Variants in PATJ observed in about 807,000 individuals in gnomAD.
PATJ encodes the protein PATJ crumbs cell polarity complex component.
Under a neutral mutation model 224.9 loss-of-function variants are expected in PATJ, and 190 were observed. That is an observed-to-expected ratio of 0.84 (90% CI 0.75 to 0.95). The LOEUF is 0.95. Among genes scored for constraint, PATJ ranks in the 40% least tolerant of loss-of-function variants. The pLI is 0.00. For missense variants in PATJ, 2,121 were observed against 2,270.3 expected, an observed-to-expected ratio of 0.93 and a Z score of 1.34; for synonymous variants, 769 against 820.3, an observed-to-expected ratio of 0.94 and a Z score of 1.07.
intron 28 of PATJ, 123 bp downstream of exon 28, chr1:61,990,487 A>C (rs1318744589): frequency 1.2e-5 from 7 of 598,686 alleles, no homozygotes; most frequent in African/African-American, 1.9e-5. Context: ...ACTACTTAAA[A>C]TCATTTTTCA....
intron 22 of PATJ, among the ~76,000 whole-genome samples, chr1:61,884,740 G>C (rs952969619): frequency 6.6e-6 from 1 of 152,112 alleles, no homozygotes; most frequent in African/African-American, 2.4e-5. Flanking sequence ...GAAATCTACA[G>C]GAATCCCTTG....
intron 28 of PATJ, among the ~76,000 whole-genome samples, chr1:62,001,495 G>C (rs1421173015): frequency 6.7e-6 from 1 of 150,150 alleles, no homozygotes; most frequent in African/African-American, 2.4e-5. Flanking sequence ...AGATCAGATA[G>C]TTGTAGATAT....
chr1:61,887,736 G>A (rs1440182959), intron 22 of PATJ, among the ~76,000 whole-genome samples: 2 of 152,046 alleles, frequency 1.3e-5, no homozygotes, highest in East Asian at 1.9e-4. Context: ...CTTGGGGTGC[G>A]GCGTGACAAA....
At chr1:62,038,108 C>T (rs544455547) in intron 30 of PATJ, 59 bp downstream of exon 30, 32 of 1,060,236 alleles carry the variant, frequency 3.0e-5, no homozygotes, top group Non-Finnish European at 4.1e-5. Flanking sequence ...GAGCATTTTC[C>T]CCCAATCTGA....
intron 17 of PATJ, among the ~76,000 whole-genome samples, chr1:61,845,919 G>GATT (rs1252137078): frequency 6.6e-6 from 1 of 152,162 alleles, no homozygotes; most frequent in Non-Finnish European, 1.5e-5. Context: ...GGAGGGCATA[G>GATT]ATTCAACCCT....
At chr1:61,764,772 T>G (rs1646164339) in intron 3 of PATJ, among the ~76,000 whole-genome samples, 1 of 152,164 alleles carries the variant, frequency 6.6e-6, no homozygotes, top group South Asian at 2.1e-4. Flanking sequence ...AGACCAGAAT[T>G]TATACCCTAA....
intron 33 of PATJ, among the ~76,000 whole-genome samples, chr1:62,085,424 C>T (rs1659839177): frequency 6.6e-6 from 1 of 151,706 alleles, no homozygotes; most frequent in South Asian, 2.1e-4. Flanking sequence ...TTTATAAATA[C>T]TTATTAGACC....
At chr1:61,793,462 T>C (rs781023544) in intron 9 of PATJ, among the ~76,000 whole-genome samples, 2 of 152,116 alleles carry the variant, frequency 1.3e-5, no homozygotes, top group Non-Finnish European at 2.9e-5. Flanking sequence ...TGCTGCGGAC[T>C]GGGCTTGGTG....
chr1:62,128,084 A>C lies in PATJ; in HGVS notation c.5156A>C (p.Gln1719Pro). 1 of 1,614,182 alleles carries C rather than the reference A, an allele frequency of 6.2e-7. No individual in the cohort carries two copies. Among genetic ancestry groups the C allele is most frequent in the Non-Finnish European group, 8.5e-7 (1 of 1,180,010 alleles). ...IQASGVAART[Q>P]KLKVGDRIVS... ...GCTAGCGGAGTGGCCGCACGGACAC[A>C]GAAGCTTAAAGTAAACGAGAGAACT... The change falls in exon 40 of 44, where the codon CAG (glutamine) becomes CCG (proline). Residue 1719 changes from glutamine to proline, a missense_variant. Physicochemically the swap from Gln to Pro is moderately conservative, Grantham distance 76. Coordinates refer to ENST00000642238, the MANE Select transcript of PATJ (RefSeq NM_001350145.3).
chr1:61,963,883 C>T (rs1557953365), intron 27 of PATJ, among the ~76,000 whole-genome samples: 1 of 152,124 alleles, frequency 6.6e-6, no homozygotes, highest in Non-Finnish European at 1.5e-5. Context: ...CTTGCTTATA[C>T]TTACCTATCC....
chr1:61,798,083 C>T (rs1189247545), intron 11 of PATJ, among the ~76,000 whole-genome samples: 8 of 152,176 alleles, frequency 5.3e-5, no homozygotes, highest in Non-Finnish European at 1.0e-4. Flanking sequence ...TGTAATTACA[C>T]GTGTGAGCCA....
At chr1:62,042,659 A>ATTT (rs1651742156) in intron 30 of PATJ, among the ~76,000 whole-genome samples, 1 of 151,776 alleles carries the variant, frequency 6.6e-6, no homozygotes, top group Admixed American at 6.6e-5. Flanking sequence ...TATTTTTTTA[A>ATTT]AAAAAAAGAC....
At chr1:62,134,330 C>CTTTTTT (rs779235130) in intron 41 of PATJ, among the ~76,000 whole-genome samples, 17 of 96,480 alleles carry the variant, frequency 1.8e-4, no homozygotes, top group African/African-American at 1.7e-4. Flanking sequence ...CCAGCCCTCT[C>CTTTTTT]TTTTTTTTTT....
chr1:61,794,681 T>G (rs772434695), intron 9 of PATJ, among the ~76,000 whole-genome samples: 2 of 151,992 alleles, frequency 1.3e-5, no homozygotes. Context: ...TTGTTGTTGT[T>G]GTTAAGACCA....
At chr1:62,130,608 T>C (rs909699782) in intron 41 of PATJ, among the ~76,000 whole-genome samples, 9 of 151,914 alleles carry the variant, frequency 5.9e-5, no homozygotes, top group African/African-American at 2.2e-4. Flanking sequence ...TCCCAGCACT[T>C]TGGGAGGCTG....
chr1:62,125,236 C>CAAAAAAAAAAAAAAAAAAA (rs761278812), intron 39 of PATJ, among the ~76,000 whole-genome samples: 7 of 27,750 alleles, frequency 2.5e-4, no homozygotes, highest in South Asian at 1.6e-3. Context: ...AACCCTGTCT[C>CAAAAAAAAAAAAAAAAAAA]AAAAAAAAAA....
At chr1:61,964,972 C>T (rs1391724899) in intron 27 of PATJ, among the ~76,000 whole-genome samples, 1 of 150,756 alleles carries the variant, frequency 6.6e-6, no homozygotes, top group African/African-American at 2.4e-5. Context: ...ATTAGCCGGG[C>T]GTGGTGGTGT....
At chr1:62,062,419 T>C (rs6671372) in intron 31 of PATJ, among the ~76,000 whole-genome samples, 2 of 121,554 alleles carry the variant, frequency 1.6e-5, no homozygotes, top group African/African-American at 3.0e-5. Context: ...TTTTTTTTTT[T>C]CCTTTTTTGA....
At chr1:61,988,287 GTATT>G (rs1417410240) in intron 27 of PATJ, among the ~76,000 whole-genome samples, 2 of 152,204 alleles carry the variant, frequency 1.3e-5, no homozygotes, top group African/African-American at 2.4e-5. Flanking sequence ...TAATAAGTTA[GTATT>G]TATTCAGTGA....
Sources: gnomAD v4.1 joint callset for allele counts (sites outside exome capture counted in the v4.1 genomes callset) on GRCh38, gnomAD v4.1.1 for gene constraint, MANE v1.5 for transcripts, NCBI Gene and HGNC (gene_info 2026-07-23, HGNC 2026-07-21) for gene names.